Variants in PITPNM3 observed in about 807,000 individuals in gnomAD.
PITPNM3 encodes PITPNM family member 3, also known as membrane-associated phosphatidylinositol transfer protein 3.
In PITPNM3, 26 loss-of-function variants were observed where a neutral mutation model predicts 102.0. The ratio of observed to expected loss-of-function variants is 0.25; its 90% CI spans 0.19 to 0.35. The LOEUF (loss-of-function observed/expected upper bound fraction) is 0.35. Ranked by LOEUF, PITPNM3 falls within the 10% of genes least tolerant of loss-of-function variation. PITPNM3 has a pLI of 1.00. For synonymous variants in PITPNM3, 578 were observed against 558.6 expected, an observed-to-expected ratio of 1.03 and a Z score of -0.49; for missense variants, 1,083 against 1,346.1, an observed-to-expected ratio of 0.80 and a Z score of 3.06.
chr17:6,490,352 G>T (rs1007021958), intron 4 of PITPNM3, among the ~76,000 whole-genome samples: 1 of 152,086 alleles, frequency 6.6e-6, no homozygotes, highest in Non-Finnish European at 1.5e-5. Flanking sequence ...GCAAAAGGAG[G>T]GGTTTGCCTA....
At position 6,476,899 on chromosome 17, in the gene PITPNM3, G is replaced by C; in HGVS notation, c.1085+130C>G. ...CCTCAGTACAGGGCCGATGGCGAGT[G>C]GCCTTGGTCCCAGCATTTCAGTGCT... On this transcript the variant is annotated intron_variant, in intron 9 of 19. Coordinates refer to ENST00000262483, the MANE Select transcript of PITPNM3 (RefSeq NM_031220.4). 7 of 1,135,856 alleles carry C rather than the reference G, an allele frequency of 6.2e-6. No individual in the cohort carries two copies. In the Admixed American group the frequency reaches 6.6e-5, roughly 11 times the overall value. 70.4% of individuals were successfully genotyped at this position (1,135,856 alleles called of 1,614,324 possible). A position where few individuals can be genotyped will look rare whatever the true frequency, so the allele number is the denominator to read the frequency against.
At position 6,464,700 on chromosome 17, in the gene PITPNM3, C is replaced by T. The variant is rs1227143260; in HGVS notation, c.1962G>A (p.Arg654=). 6.2e-7 allele frequency: 1 copy of T among 1,614,228 alleles called. No homozygotes were observed. Among genetic ancestry groups the T allele is most frequent in the African/African-American group, 1.3e-5 (1 of 75,056 alleles). ...AEDGPQVLVG[R]FMYGPLDMVA... The stretch of plus-strand genomic sequence containing the variant: ...CCATGTCGAGGGGCCCGTACATGAA[C>T]CGCCCCACCAGGACCTGGGGGCCAT... The change falls in exon 15 of 20, where the codon CGG becomes CGA. Residue 654 remains arginine (R), a synonymous_variant. Transcript: ENST00000262483.
intron 3 of PITPNM3, among the ~76,000 whole-genome samples, chr17:6,520,597 G>T (rs1389729112): frequency 6.6e-6 from 1 of 152,212 alleles, no homozygotes; most frequent in Admixed American, 6.5e-5. Flanking sequence ...TGTAATTGAA[G>T]GAATAACTAA....
At chr17:6,532,949 C>T (rs960099742) in intron 2 of PITPNM3, among the ~76,000 whole-genome samples, 1 of 152,080 alleles carries the variant, frequency 6.6e-6, no homozygotes, top group Non-Finnish European at 1.5e-5. Flanking sequence ...CCAGTGCCTC[C>T]ACATCTTGGT....
At chr17:6,554,046 C>A (rs1910463248) in intron 1 of PITPNM3, among the ~76,000 whole-genome samples, 1 of 152,118 alleles carries the variant, frequency 6.6e-6, no homozygotes, top group African/African-American at 2.4e-5. Context: ...AGACCAGGCG[C>A]AGTGCCTCAC....
chr17:6,484,629 C>T (rs1486302268), intron 4 of PITPNM3, among the ~76,000 whole-genome samples: 1 of 152,198 alleles, frequency 6.6e-6, no homozygotes, highest in Non-Finnish European at 1.5e-5. Context: ...CTTCCACTTC[C>T]AGTTATGGAC....
At chr17:6,477,282 C>G (rs1905364412) in intron 8 of PITPNM3, 69 bp from the exon 9 acceptor site, 2 of 1,534,862 alleles carry the variant, frequency 1.3e-6, no homozygotes, top group Admixed American at 3.4e-5. Context: ...GCCTTGTCTC[C>G]TCCCCCCAAG....
intron 4 of PITPNM3, among the ~76,000 whole-genome samples, chr17:6,496,568 T>G (rs938041028): frequency 6.6e-6 from 1 of 152,174 alleles, no homozygotes; most frequent in Non-Finnish European, 1.5e-5. Context: ...TTTCCTGGGG[T>G]TAATCCTCAC....
chr17:6,532,490 C>T (rs902815586), intron 2 of PITPNM3, among the ~76,000 whole-genome samples: 9 of 152,080 alleles, frequency 5.9e-5, no homozygotes, highest in Admixed American at 5.9e-4. Flanking sequence ...TTTATCCCTC[C>T]TCCCCCAACT....
In PITPNM3 at chr17:6,537,256, CTTTTTTTTT is replaced by C. The variant is rs201959934; in HGVS notation, c.118+722_118+730del. On this transcript the variant is annotated intron_variant, in intron 2 of 19. Transcript: ENST00000262483. The surrounding 1 kb of genome is among the most constrained non-coding windows in gnomAD (Gnocchi z 4.4). ...TATGAGGCTCATTTATTTTTTCTTT[CTTTTTTTTT>C]TTTTTTTTTCTGAGACAGAGTATCG... Among the ~76,000 whole-genome samples the C allele has an allele frequency of 1.6e-5, 2 of 128,282 alleles. No individual in the cohort carries two copies. The highest frequency in any genetic ancestry group is 6.3e-5 in the African/African-American group (2 of 31,736). 84.2% of individuals were successfully genotyped at this position (128,282 alleles called of 152,430 possible).
In PITPNM3 at chr17:6,455,669, GAGGGCAGGGC is replaced by G. The variant is rs781462082; in HGVS notation, c.2620-36_2620-27del. ...CTGCGGAGGGCAGGGGAGGGCAGGG[GAGGGCAGGGC>G]AGGGCAGCAGCGCAGGGGGAAGAAG... On this transcript the variant is annotated intron_variant, in intron 19 of 19. Transcript: ENST00000262483. 15 of 1,387,390 alleles carry G rather than the reference GAGGGCAGGGC, an allele frequency of 1.1e-5. No homozygotes were observed. The African/African-American group carries it at 2.2e-4, about 20-fold the overall frequency. 85.9% of individuals were successfully genotyped at this position (1,387,390 alleles called of 1,614,324 possible).
At chr17:6,498,201 G>T (rs934451786) in intron 4 of PITPNM3, among the ~76,000 whole-genome samples, 9 of 152,232 alleles carry the variant, frequency 5.9e-5, no homozygotes, top group Non-Finnish European at 2.9e-5. Context: ...AACAGTGCGG[G>T]GTCCAGAGGG....
chr17:6,484,140 C>T (rs1447443004), intron 5 of PITPNM3, 76 bp downstream of exon 5: 18 of 1,456,894 alleles, frequency 1.2e-5, no homozygotes, highest in African/African-American at 2.8e-5. Flanking sequence ...AAAACGAGGC[C>T]GCCTATGATC....
chr17:6,525,589 C>T (rs1908786992), intron 2 of PITPNM3, 126 bp from the exon 3 acceptor site: 2 of 738,002 alleles, frequency 2.7e-6, no homozygotes, highest in East Asian at 2.6e-5. Context: ...TACACCTCAA[C>T]TCTTGAAGGT....
At chr17:6,527,356 T>C (rs543199775) in intron 2 of PITPNM3, among the ~76,000 whole-genome samples, 36 of 152,324 alleles carry the variant, frequency 2.4e-4, no homozygotes, top group Non-Finnish European at 3.5e-4. Flanking sequence ...GATATCATCG[T>C]AGGGCCTCTG....
At chr17:6,473,579 T>C (rs2150727613) in intron 10 of PITPNM3, among the ~76,000 whole-genome samples, 1 of 152,326 alleles carries the variant, frequency 6.6e-6, no homozygotes, top group South Asian at 2.1e-4. Flanking sequence ...AGACGGTCTG[T>C]ACTTCTGTCC....
chr17:6,461,251 G>A (rs1192906786), intron 18 of PITPNM3, 122 bp downstream of exon 18: 27 of 1,222,828 alleles, frequency 2.2e-5, no homozygotes, highest in African/African-American at 4.5e-5. Context: ...CCAGATCCAC[G>A]GGAATGGGAT....
chr17:6,536,018 C>T (rs952738903), intron 2 of PITPNM3, among the ~76,000 whole-genome samples: 30 of 150,182 alleles, frequency 2.0e-4, no homozygotes, highest in African/African-American at 5.4e-4. Flanking sequence ...GAGCCAAGAT[C>T]GCTCCGTTGC....
intron 4 of PITPNM3, among the ~76,000 whole-genome samples, chr17:6,484,635 T>C (rs1905961254): frequency 6.6e-6 from 1 of 152,184 alleles, no homozygotes; most frequent in South Asian, 2.1e-4. Flanking sequence ...CTTCCAGTTA[T>C]GGACAGCGAT....
Sources: gnomAD v4.1 joint callset for allele counts (sites outside exome capture counted in the v4.1 genomes callset) on GRCh38, gnomAD v4.1.1 for gene constraint, Gnocchi (gnomAD v3.1) non-coding constraint, MANE v1.5 for transcripts, NCBI Gene and HGNC (gene_info 2026-07-23, HGNC 2026-07-21) for gene names.